Variants in FBXL4 observed in about 807,000 individuals in gnomAD.
FBXL4 encodes the protein F-box and leucine rich repeat protein 4, also known as F-box/LRR-repeat protein 4.
Under a neutral mutation model 58.9 loss-of-function variants are expected in FBXL4, and 40 were observed. That is an observed-to-expected ratio of 0.68 (90% CI 0.53 to 0.88). FBXL4 has a LOEUF of 0.88. Ranked by LOEUF, FBXL4 falls within the 40% of genes least tolerant of loss-of-function variation. FBXL4 has a pLI of 0.00. For synonymous variants in FBXL4, 263 were observed against 265.5 expected (o/e 0.99, Z 0.09); for missense variants, 676 against 734.4 (o/e 0.92, Z 0.92).
intron 4 of FBXL4, among the ~76,000 whole-genome samples, chr6:98,920,201 T>C (rs887865329): frequency 1.3e-5 from 2 of 152,258 alleles, no homozygotes; most frequent in African/African-American, 4.8e-5. Context: ...TAATAATGCA[T>C]TAATCTACAA....
chr6:98,942,177 A>G (rs1407920117), intron 1 of FBXL4, among the ~76,000 whole-genome samples: 1 of 151,990 alleles, frequency 6.6e-6, no homozygotes, highest in African/African-American at 2.4e-5. Flanking sequence ...TCCTGAAACT[A>G]TTACTTAAAA....
At chr6:98,915,240 C>T (rs1772291114) in intron 5 of FBXL4, among the ~76,000 whole-genome samples, 1 of 151,956 alleles carries the variant, frequency 6.6e-6, no homozygotes, top group Admixed American at 6.5e-5. Context: ...AATGGCCATA[C>T]TGCCCAAGGT....
chr6:98,905,662 C>T lies in FBXL4; in HGVS notation c.867G>A (p.Gln289=), dbSNP rs2128393347. 1 of 1,613,222 alleles carries T rather than the reference C, an allele frequency of 6.2e-7. No individual in the cohort carries two copies. The stretch of plus-strand genomic sequence containing the variant: ...GTAGTGTAAGATGATTCAGAATCAG[C>T]TGAATAAGCTAAATAAGACAGAGAA... The part of the protein sequence containing the change: ...YFDKLPYELI[Q]LILNHLTLPD... The change falls in exon 6 of 10, where the codon CAG becomes CAA. Residue 289 remains glutamine (Q), a synonymous_variant. Transcript: ENST00000369244.
intron 7 of FBXL4, 193 bp downstream of exon 7, chr6:98,899,075 T>G (rs1329659817): frequency 5.1e-6 from 5 of 985,358 alleles, no homozygotes; most frequent in Non-Finnish European, 6.0e-6. Flanking sequence ...AACATTTCCT[T>G]ATAATTTAAA....
At chr6:98,938,325 C>T (rs1381960741) in intron 1 of FBXL4, among the ~76,000 whole-genome samples, 1 of 152,078 alleles carries the variant, frequency 6.6e-6, no homozygotes, top group Admixed American at 6.6e-5. Flanking sequence ...TCCTTACAAC[C>T]CCCTGATCTG....
At chr6:98,877,332 A>T (rs948596999) in intron 8 of FBXL4, among the ~76,000 whole-genome samples, 1 of 152,132 alleles carries the variant, frequency 6.6e-6, no homozygotes, top group Non-Finnish European at 1.5e-5. Flanking sequence ...GAAAAAAAAA[A>T]TTTAAAAACT....
In FBXL4 at chr6:98,880,615, G is replaced by A. The variant is rs1483070581; in HGVS notation, c.1327C>T (p.Leu443=). Residue 443 remains leucine (L), a synonymous_variant, in exon 8 of 10, where the codon CTG becomes TTG. Coordinates refer to ENST00000369244, the MANE Select transcript of FBXL4 (RefSeq NM_001278716.2). The part of the protein sequence containing the change: ...LYRTKVEQTA[L]LSILNFCSEL... ...GAACAGAAGTTCAAAATGCTGAGCA[G>A]TGCTGTTTGCTGCCATTAGGGACCA... The A allele has an allele frequency of 6.2e-7, 1 of 1,613,862 alleles. No homozygotes were observed. Among genetic ancestry groups the A allele is most frequent in the Non-Finnish European group, 8.5e-7 (1 of 1,179,856 alleles).
chr6:98,875,338 C>T, intron 9 of FBXL4, 77 bp downstream of exon 9: 1 of 1,493,190 alleles, frequency 6.7e-7, no homozygotes, highest in Non-Finnish European at 9.2e-7. Context: ...TTTTCTTTTT[C>T]CTAACAAAAA....
chr6:98,894,934 C>G (rs1348196076), intron 7 of FBXL4, among the ~76,000 whole-genome samples: 3 of 152,232 alleles, frequency 2.0e-5, no homozygotes, highest in African/African-American at 7.2e-5. Flanking sequence ...ACCACTGATG[C>G]AGGGAGGGAC....
rs1420780949 is a variant in FBXL4 at position 98,869,047 on chromosome 6, GC to G, written c.*5230del. On this transcript the variant is annotated 3_prime_UTR_variant, in exon 10 of 10. Transcript: ENST00000369244. ...GACTCTTAACAGAATGTGAGCTATT[GC>G]CAAAAAAATGATTCTAACAGTTATG... 10 of 152,166 alleles carry G rather than the reference GC, an allele frequency of 6.6e-5. No individual in the cohort carries two copies. In the East Asian group the frequency reaches 1.9e-3, roughly 29 times the overall value. 9.4% of individuals were successfully genotyped at this position (152,166 alleles called of 1,614,324 possible). A position where few individuals can be genotyped will look rare whatever the true frequency, so the allele number is the denominator to read the frequency against.
chr6:98,930,425 A>C (rs1279513329), intron 2 of FBXL4, among the ~76,000 whole-genome samples: 1 of 152,220 alleles, frequency 6.6e-6, no homozygotes, highest in Non-Finnish European at 1.5e-5. Flanking sequence ...TGTCTCAAAC[A>C]AACAAATAAA....
chr6:98,929,582 A>C (rs1772929858), intron 2 of FBXL4, among the ~76,000 whole-genome samples: 1 of 151,848 alleles, frequency 6.6e-6, no homozygotes, highest in African/African-American at 2.4e-5. Flanking sequence ...AAAAAAAAAA[A>C]AAAAAGAAAG....
At chr6:98,895,584 T>C (rs1292743697) in intron 7 of FBXL4, among the ~76,000 whole-genome samples, 9 of 152,238 alleles carry the variant, frequency 5.9e-5, no homozygotes, top group Non-Finnish European at 1.3e-4. Flanking sequence ...CCTGACTCTA[T>C]TGCTTGTGCC....
At chr6:98,907,831 A>G (rs371130371) in intron 5 of FBXL4, among the ~76,000 whole-genome samples, 5 of 152,176 alleles carry the variant, frequency 3.3e-5, no homozygotes, top group African/African-American at 9.7e-5. Flanking sequence ...AACGCAGAGT[A>G]ACAACAACAT....
chr6:98,896,965 C>T (rs895152388), intron 7 of FBXL4: 1 of 985,150 alleles, frequency 1.0e-6, no homozygotes, highest in Non-Finnish European at 1.2e-6. Flanking sequence ...TTCTCTGACA[C>T]TTAGATCACA....
At chr6:98,888,065 G>A (rs1484231366) in intron 7 of FBXL4, among the ~76,000 whole-genome samples, 1 of 152,208 alleles carries the variant, frequency 6.6e-6, no homozygotes, top group Non-Finnish European at 1.5e-5. Context: ...TGTTACTGAT[G>A]TCAAAGCAAA....
intron 1 of FBXL4, among the ~76,000 whole-genome samples, chr6:98,946,204 TC>T (rs1398506987): frequency 1.3e-5 from 2 of 152,058 alleles, no homozygotes; most frequent in African/African-American, 2.4e-5. Flanking sequence ...GTTCAGAAAG[TC>T]CCAAGAATAC....
chr6:98,904,730 A>G (rs377391478), intron 6 of FBXL4, among the ~76,000 whole-genome samples: 15 of 152,194 alleles, frequency 9.9e-5, no homozygotes, highest in African/African-American at 3.6e-4. Flanking sequence ...GATTATATGT[A>G]ACATACAATG....
intron 2 of FBXL4, among the ~76,000 whole-genome samples, chr6:98,930,581 T>C (rs1249348047): frequency 6.6e-6 from 1 of 152,218 alleles, no homozygotes; most frequent in Non-Finnish European, 1.5e-5. Flanking sequence ...ATTACTTCTT[T>C]ATTCAAACAT....
Sources: gnomAD v4.1 joint callset for allele counts (sites outside exome capture counted in the v4.1 genomes callset) on GRCh38, gnomAD v4.1.1 for gene constraint, MANE v1.5 for transcripts, NCBI Gene and HGNC (gene_info 2026-07-23, HGNC 2026-07-21) for gene names.